PCCA: variants seen among roughly 807,000 people sequenced by gnomAD.
The protein encoded by PCCA is propionyl-CoA carboxylase alpha chain, mitochondrial.
Under a neutral mutation model 101.3 loss-of-function variants are expected in PCCA, and 74 were observed. That is an observed-to-expected ratio of 0.73 (90% CI 0.61 to 0.89). The LOEUF (loss-of-function observed/expected upper bound fraction) is 0.89, where lower values mean the gene tolerates loss of function less well. Ranked by LOEUF, PCCA falls within the 40% of genes least tolerant of loss-of-function variation. The probability of loss-of-function intolerance (pLI) is 0.00; values close to 1 mark genes in which losing one functional copy is unlikely to be tolerated. For missense variants in PCCA, 891 were observed against 907.0 expected (o/e 0.98, Z 0.23); for synonymous variants, 294 against 313.6 (o/e 0.94, Z 0.66).
intron 4 of PCCA, among the ~76,000 whole-genome samples, chr13:100,133,703 A>G (rs2050805709): frequency 6.6e-6 from 1 of 152,186 alleles, no homozygotes; most frequent in African/African-American, 2.4e-5. Context: ...GATGCAAAGT[A>G]TTGTGTGTCT....
At position 100,348,733 on chromosome 13, in the gene PCCA, TTTC is replaced by T. The variant is rs1566975616; in HGVS notation, c.1643+8477_1643+8479del. ...TTTACTTTCCGTTTTTTTTCCTTTC[TTTC>T]TTTCTTTCTTTCTTTCTTTCTTTCT... On this transcript the variant is annotated intron_variant, in intron 18 of 23. Transcript: ENST00000376285. Among the ~76,000 whole-genome samples the T allele has an allele frequency of 4.5e-3, 350 of 77,072 alleles. 23 individuals carry two copies. The highest frequency in any genetic ancestry group is 0.012 in the African/African-American group (199 of 16,608). 50.6% of individuals were successfully genotyped at this position (77,072 alleles called of 152,430 possible).
At chr13:100,293,481 A>G (rs2065289884) in intron 12 of PCCA, among the ~76,000 whole-genome samples, 1 of 152,192 alleles carries the variant, frequency 6.6e-6, no homozygotes. Flanking sequence ...ATTTCAGACT[A>G]GTTTTGGATT....
chr13:100,373,020 G>A lies in PCCA; in HGVS notation c.1746+4446G>A, dbSNP rs907050544. Among the ~76,000 whole-genome samples, 31 of 152,016 alleles carry A rather than the reference G, an allele frequency of 2.0e-4. 1 individual carries two copies. Among genetic ancestry groups the A allele is most frequent in the Admixed American group, 1.2e-3 (18 of 15,244 alleles). ...CGGCCTCCCAAAGTGCTGGGATTAC[G>A]GGTGTGAGTCACCACGCCCAGCCCT... On this transcript the variant is annotated intron_variant, in intron 19 of 23. Coordinates refer to ENST00000376285, the MANE Select transcript of PCCA (RefSeq NM_000282.4).
intron 4 of PCCA, among the ~76,000 whole-genome samples, chr13:100,129,771 C>T (rs1017865009): frequency 6.6e-6 from 1 of 152,212 alleles, no homozygotes; most frequent in African/African-American, 2.4e-5. Flanking sequence ...AGGCCAAGGG[C>T]AGTTCCTCTT....
Position 100,273,242 on chromosome 13 carries a change from G to T in PCCA, c.961G>T (p.Val321Leu). Residue 321 changes from valine to leucine, a missense_variant, in exon 12 of 24, where the codon GTA (valine) becomes TTA (leucine). Coordinates refer to ENST00000376285, the MANE Select transcript of PCCA (RefSeq NM_000282.4). ...ETRRAMGEQA[V>L]ALARAVKYSS... The stretch of plus-strand genomic sequence containing the variant: ...TCGAAGAGCGATGGGAGAACAAGCT[G>T]TAGCTCTTGCCAGAGCAGTAAAATA... 1 of 1,610,920 alleles carries T rather than the reference G, an allele frequency of 6.2e-7. No individual in the cohort carries two copies. Among genetic ancestry groups the T allele is most frequent in the Non-Finnish European group, 8.5e-7 (1 of 1,177,112 alleles).
At chr13:100,263,297 G>A (rs145884587) in intron 10 of PCCA, among the ~76,000 whole-genome samples, 1 of 152,308 alleles carries the variant, frequency 6.6e-6, no homozygotes, top group East Asian at 1.9e-4. Context: ...AAACGGGGAA[G>A]AAGACAAGTC....
At chr13:100,096,346 G>A (rs949371169) in intron 1 of PCCA, among the ~76,000 whole-genome samples, 3 of 152,218 alleles carry the variant, frequency 2.0e-5, no homozygotes, top group East Asian at 3.9e-4. Flanking sequence ...TTGGGGTGCC[G>A]TGAACCACGC....
At chr13:100,250,626 C>G (rs1223840989) in intron 8 of PCCA, among the ~76,000 whole-genome samples, 2 of 151,934 alleles carry the variant, frequency 1.3e-5, no homozygotes, top group Non-Finnish European at 2.9e-5. Flanking sequence ...TTCTTTCTGT[C>G]AGCTATTTTC....
intron 6 of PCCA, 97 bp downstream of exon 6, chr13:100,157,437 TTTAA>T: frequency 1.2e-6 from 1 of 821,942 alleles, no homozygotes. Flanking sequence ...ATTATAGAAT[TTTAA>T]TTAACCCAGC....
At chr13:100,522,707 C>T (rs1309623569) in intron 22 of PCCA, among the ~76,000 whole-genome samples, 1 of 152,188 alleles carries the variant, frequency 6.6e-6, no homozygotes, top group African/African-American at 2.4e-5. Context: ...TTGTTACTCC[C>T]CGTCTGTTCC....
intron 16 of PCCA, among the ~76,000 whole-genome samples, chr13:100,329,045 T>G (rs1351291902): frequency 2.0e-5 from 3 of 151,812 alleles, no homozygotes; most frequent in Non-Finnish European, 4.4e-5. Flanking sequence ...TAGTACCATT[T>G]ATTGAAACGA....
At chr13:100,263,843 G>GTGTA (rs2062703431) in intron 10 of PCCA, among the ~76,000 whole-genome samples, 2 of 144,752 alleles carry the variant, frequency 1.4e-5, no homozygotes, top group Admixed American at 6.9e-5. Context: ...TCTGTATATC[G>GTGTA]TATATATATA....
rs749376990 is a variant in PCCA at position 100,268,786 on chromosome 13, A to G, written c.914+3A>G. On this transcript the variant is annotated splice_donor_region_variant and intron_variant, in intron 11 of 23. Coordinates refer to ENST00000376285, the MANE Select transcript of PCCA (RefSeq NM_000282.4). ...AAGGTGGTGGAGGAAGCACCAAGGT[A>G]AGTCTCCTAAGAAACATTTATAAAG... 6.9e-6 allele frequency: 11 copies of G among 1,601,606 alleles called. No homozygotes were observed. The East Asian group carries it at 2.5e-4, about 36-fold the overall frequency.
At chr13:100,348,920 T>TTTCTTTGTTTCCTTCCTTCCTTCCTTCC (rs1555429132) in intron 18 of PCCA, among the ~76,000 whole-genome samples, 1 of 89,020 alleles carries the variant, frequency 1.1e-5, no homozygotes, top group Non-Finnish European at 2.3e-5. Flanking sequence ...CTTTCTTTTC[T>TTTCTTTGTTTCCTTCCTTCCTTCCTTCC]TTTCTTTTCT....
chr13:100,198,582 C>A (rs1325030429), intron 6 of PCCA: 1 of 152,182 alleles, frequency 6.6e-6, no homozygotes, highest in Non-Finnish European at 1.5e-5. Flanking sequence ...TCACTGCAAC[C>A]TCTGCCTGCT....
chr13:100,250,004 T>C (rs2061660483), intron 8 of PCCA, among the ~76,000 whole-genome samples: 2 of 152,212 alleles, frequency 1.3e-5, no homozygotes. Flanking sequence ...ACAGTCATCT[T>C]ATCCACTAGT....
chr13:100,478,992 G>A (rs965764178), intron 21 of PCCA, among the ~76,000 whole-genome samples: 2 of 152,018 alleles, frequency 1.3e-5, no homozygotes, highest in South Asian at 2.1e-4. Flanking sequence ...TCTCACTCAG[G>A]GTAAGGGACA....
chr13:100,196,370 A>G (rs557866460), intron 6 of PCCA, among the ~76,000 whole-genome samples: 18 of 152,286 alleles, frequency 1.2e-4, no homozygotes, highest in Admixed American at 3.9e-4. Flanking sequence ...CTCACTCCCC[A>G]TCAGTGTAGG....
At position 100,330,649 on chromosome 13, in the gene PCCA, T is replaced by C. The variant is rs1214787896; in HGVS notation, c.1518T>C (p.Asp506=). Residue 506 remains aspartate (D), a synonymous_variant, in exon 17 of 24, where the codon GAT becomes GAC. Coordinates refer to ENST00000376285, the MANE Select transcript of PCCA (RefSeq NM_000282.4). The part of the protein sequence containing the change: ...KGDISTKFLS[D]VYPDGFKGHM... ...ACATCAGCACTAAATTTCTCTCCGATGTGTATCCTGATGGCTTCAAAGGTT... is the reference window on the plus strand; with the variant it reads ...ACATCAGCACTAAATTTCTCTCCGACGTGTATCCTGATGGCTTCAAAGGTT... 8.1e-6 allele frequency: 13 copies of C among 1,605,920 alleles called. No individual in the cohort carries two copies. The highest frequency in any genetic ancestry group is 2.2e-5 in the East Asian group (1 of 44,776).
Sources: allele counts gnomAD v4.1 joint callset (sites outside exome capture counted in the v4.1 genomes callset), GRCh38; gene constraint gnomAD v4.1.1; transcripts MANE v1.5; gene names NCBI Gene and HGNC (gene_info 2026-07-23, HGNC 2026-07-21).